ABCB4: variants seen among roughly 807,000 people sequenced by gnomAD.
ABCB4 encodes ATP binding cassette subfamily B member 4, also known as phosphatidylcholine translocator ABCB4.
A neutral mutation model predicts 145.7 loss-of-function variants in ABCB4; 76 were observed. That is an observed-to-expected ratio of 0.52 (90% confidence interval 0.43 to 0.63). The LOEUF (loss-of-function observed/expected upper bound fraction) is 0.63, where lower values mean the gene tolerates loss of function less well. Ranked by LOEUF, ABCB4 falls within the 30% of genes least tolerant of loss-of-function variation. The pLI is 0.00. For missense variants in ABCB4, 1,234 were observed against 1,553.1 expected, an observed-to-expected ratio of 0.79 and a Z score of 3.45; for synonymous variants, 517 against 566.8, an observed-to-expected ratio of 0.91 and a Z score of 1.25.
chr7:87,450,885 C>T (rs967620892), intron 7 of ABCB4, among the ~76,000 whole-genome samples: 7 of 152,244 alleles, frequency 4.6e-5, no homozygotes, highest in Non-Finnish European at 8.8e-5. Context: ...AAATCATCAA[C>T]GTCAGGATGA....
At chr7:87,423,610 CACAA>C (rs1409697851) in intron 17 of ABCB4, 4 of 409,336 alleles carry the variant, frequency 9.8e-6, no homozygotes, top group South Asian at 2.2e-5. Flanking sequence ...AGCTTTTCTA[CACAA>C]ACAGATTGGG....
chr7:87,368,888 T>G, the ABCB4 span, among the ~76,000 whole-genome samples: 2 of 152,232 alleles, frequency 1.3e-5, no homozygotes, highest in Non-Finnish European at 2.9e-5. Context: ...TGGACAAAAT[T>G]CTTTTCCTTT....
chr7:87,442,756 T>C (rs1285140318), intron 12 of ABCB4, among the ~76,000 whole-genome samples: 1 of 152,156 alleles, frequency 6.6e-6, no homozygotes, highest in Non-Finnish European at 1.5e-5. Context: ...AGTTACAATT[T>C]TCTGTAAATT....
chr7:87,382,015 A>G, the ABCB4 span: 16 of 1,587,840 alleles, frequency 1.0e-5, no homozygotes, highest in Non-Finnish European at 1.4e-5. Flanking sequence ...TAAATATTTC[A>G]TCTTTTTTCT....
At position 87,453,235 on chromosome 7, in the gene ABCB4, G is replaced by C. The variant is rs1002272537; in HGVS notation, c.345-100C>G. On this transcript the variant is annotated intron_variant, in intron 5 of 27. Coordinates refer to ENST00000649586, the MANE Select transcript of ABCB4 (RefSeq NM_000443.4). Reference sequence around the variant, plus strand: ...GTCTCACTCTGTCACCCAGGCTGGAGTGCAGTGGCACCATCTCAGCTCACT... The same window carrying C: ...GTCTCACTCTGTCACCCAGGCTGGACTGCAGTGGCACCATCTCAGCTCACT... The C allele has an allele frequency of 4.2e-6, 5 of 1,185,054 alleles. No homozygotes were observed. The African/African-American group carries it at 7.6e-5, about 18-fold the overall frequency. The allele number at this position is 1,185,054 out of a possible 1,614,324, so 73.4% of individuals were successfully genotyped here. A position where few individuals can be genotyped will look rare whatever the true frequency, so the allele number is the denominator to read the frequency against.
At chr7:87,453,272 C>G (rs1811882445) in intron 5 of ABCB4, 137 bp from the exon 6 acceptor site, 1 of 782,520 alleles carries the variant, frequency 1.3e-6, no homozygotes, top group African/African-American at 1.7e-5. Context: ...CAACCTCCGC[C>G]TCCTGGATTC....
At chr7:87,462,245 T>C (rs1439197163) in intron 4 of ABCB4, among the ~76,000 whole-genome samples, 1 of 152,174 alleles carries the variant, frequency 6.6e-6, no homozygotes, top group Non-Finnish European at 1.5e-5. Context: ...ATTCACTCTT[T>C]AGTGAAATGC....
intron 14 of ABCB4, among the ~76,000 whole-genome samples, chr7:87,434,251 T>C (rs1316780824): frequency 6.6e-6 from 1 of 151,842 alleles, no homozygotes; most frequent in African/African-American, 2.4e-5. Context: ...CACCATTTTG[T>C]TTCTTTTCCT....
At chr7:87,376,061 C>A in the ABCB4 span, 1 of 1,078,484 alleles carries the variant, frequency 9.3e-7, no homozygotes, top group Non-Finnish European at 1.3e-6. Context: ...GCTCTTGAAA[C>A]TTTTTCTTAG....
At chr7:87,392,336 C>T in the ABCB4 span, among the ~76,000 whole-genome samples, 6 of 152,130 alleles carry the variant, frequency 3.9e-5, no homozygotes, top group African/African-American at 1.2e-4. Context: ...TCAGTGCTGC[C>T]CACAAGTTCA....
rs566375219 is a variant in ABCB4 at position 87,415,732 on chromosome 7, C to T, written c.2682+1580G>A. 3.3e-5 allele frequency among the ~76,000 whole-genome samples: 5 copies of T among 152,262 alleles called. No homozygotes were observed. In the East Asian group the frequency reaches 7.7e-4, roughly 24 times the overall value. ...TGAATAGCAAGACCAAAGCTAATAACCCAAGATTTTGTTTTGTTTCAATAC... is the reference window on the plus strand; with the variant it reads ...TGAATAGCAAGACCAAAGCTAATAATCCAAGATTTTGTTTTGTTTCAATAC... On this transcript the variant is annotated intron_variant, in intron 21 of 27. Coordinates refer to ENST00000649586, the MANE Select transcript of ABCB4 (RefSeq NM_000443.4).
At chr7:87,423,843 GGGAGAAGCAGCA>G in intron 17 of ABCB4, 51 bp downstream of exon 17, 1 of 1,601,602 alleles carries the variant, frequency 6.2e-7, no homozygotes, top group Middle Eastern at 1.7e-4. Context: ...CAGTGAGGTT[GGGAGAAGCAGCA>G]GCTGATGAAT....
the ABCB4 span, chr7:87,382,029 A>G: frequency 1.3e-6 from 2 of 1,577,284 alleles, no homozygotes; most frequent in Non-Finnish European, 1.7e-6. Flanking sequence ...TTTTTCTCCT[A>G]ATAGTTCTAT....
chr7:87,392,408 A>G, the ABCB4 span, among the ~76,000 whole-genome samples: 1 of 152,182 alleles, frequency 6.6e-6, no homozygotes, highest in Non-Finnish European at 1.5e-5. Context: ...AGGCGATAGA[A>G]TAACTGATGG....
At chr7:87,428,465 G>A (rs1215149387) in intron 15 of ABCB4, among the ~76,000 whole-genome samples, 3 of 152,054 alleles carry the variant, frequency 2.0e-5, no homozygotes, top group South Asian at 2.1e-4. Context: ...ATATCCTTTC[G>A]GAGAACAACC....
rs1809849625 is a variant in ABCB4, at chr7:87,426,820, T to C, written c.1994A>G (p.His665Arg). 3 of 1,613,952 alleles carry C rather than the reference T, an allele frequency of 1.9e-6. No individual in the cohort carries two copies. The African/African-American group carries it at 4.0e-5, about 22-fold the overall frequency. Residue 665 changes from histidine to arginine, a missense_variant, in exon 16 of 28, where the codon CAT becomes CGT. His to Arg is a conservative substitution (Grantham distance 29, BLOSUM62 0). Around this residue, in one of 7 missense-constraint regions of ABCB4, gnomAD observed 321 missense variants for 332.6 expected, o/e 0.97. Transcript: ENST00000649586. Reference protein sequence around the residue: ...PNGWKSRLFRHSTQKNLKNSQ... With the variant: ...PNGWKSRLFRRSTQKNLKNSQ... ...ATTTTTAAGGTTTTTCTGAGTAGAA[T>C]GCCTAAATAGGCGAGATTTCCAGCC...
chr7:87,379,961 A>G, the ABCB4 span, among the ~76,000 whole-genome samples: 1 of 152,090 alleles, frequency 6.6e-6, no homozygotes, highest in South Asian at 2.1e-4. Flanking sequence ...AAAATAAAAA[A>G]TTAGTTGGGC....
chr7:87,434,095 ATTTTTTT>A (rs756063095), intron 14 of ABCB4, among the ~76,000 whole-genome samples: 194 of 118,058 alleles, frequency 1.6e-3, no homozygotes, highest in African/African-American at 5.4e-3. Context: ...CACCTGGCTA[ATTTTTTT>A]TTTTTTTTTT....
chr7:87,369,593 A>T, the ABCB4 span: 604 of 498,136 alleles, frequency 1.2e-3, 14 homozygotes, highest in East Asian at 0.02. Flanking sequence ...AAAAATAAGA[A>T]TTTTATGCAT....
Sources: gnomAD v4.1 joint callset for allele counts (sites outside exome capture counted in the v4.1 genomes callset) on GRCh38, gnomAD v4.1.1 for gene constraint, gnomAD v4.1.1 regional missense constraint, MANE v1.5 for transcripts, NCBI Gene and HGNC (gene_info 2026-07-23, HGNC 2026-07-21) for gene names.